The following SLC2A5 variants were observed in gnomAD, a reference collection of about 807,000 sequenced individuals.
The protein encoded by SLC2A5 is solute carrier family 2, facilitated glucose transporter member 5.
Under a neutral mutation model 50.3 loss-of-function variants are expected in SLC2A5, and 56 were observed. The observed-to-expected ratio is 1.11, with a 90% CI of 0.90 to 1.39. The LOEUF is 1.39. SLC2A5 is among the 40% of genes most tolerant of loss of function. The probability of loss-of-function intolerance (pLI) is 0.00; values close to 1 mark genes in which losing one functional copy is unlikely to be tolerated. For synonymous variants in SLC2A5, 269 were observed against 281.9 expected, an observed-to-expected ratio of 0.95 and a Z score of 0.46; for missense variants, 566 against 650.1, an observed-to-expected ratio of 0.87 and a Z score of 1.41.
At chr1:9,091,446 A>T (rs575134817), upstream of SLC2A5, among the ~76,000 whole-genome samples, 1 of 152,316 alleles carries the variant, frequency 6.6e-6, no homozygotes, top group East Asian at 1.9e-4. Flanking sequence ...CAGCTTCAAT[A>T]ATTACACACA....
chr1:9,064,976 C>G lies in SLC2A5; in HGVS notation c.33+4528G>C, dbSNP rs1485148589. ...GCTGAGGCAGGAGAATTGCTTGAAC[C>G]CGGGAGGTGGAGGTTGCAGTGAGCT... On this transcript the variant is annotated intron_variant, in intron 1 of 11. Coordinates refer to ENST00000377424, the MANE Select transcript of SLC2A5 (RefSeq NM_003039.3). Among the ~76,000 whole-genome samples the G allele has an allele frequency of 2.6e-5, 4 of 151,218 alleles. 1 individual carries two copies. The highest frequency in any genetic ancestry group is 5.9e-5 in the Non-Finnish European group (4 of 67,932).
intron 7 of SLC2A5, 24 bp downstream of exon 7, chr1:9,039,776 C>T (rs1195971647): frequency 1.1e-5 from 16 of 1,493,426 alleles, no homozygotes; most frequent in Middle Eastern, 1.8e-4. Flanking sequence ...CTCCCCAGCT[C>T]CCGAGCCGCA....
At chr1:9,053,210 T>C (rs2124381095) in intron 3 of SLC2A5, among the ~76,000 whole-genome samples, 1 of 84,878 alleles carries the variant, frequency 1.2e-5, no homozygotes, top group East Asian at 2.9e-4. Context: ...ATATTATATT[T>C]ATATATTATA....
chr1:9,043,924 G>C (rs1265439850), intron 4 of SLC2A5, among the ~76,000 whole-genome samples: 1 of 150,728 alleles, frequency 6.6e-6, no homozygotes, highest in East Asian at 2.0e-4. Flanking sequence ...GTTTCACCAT[G>C]TTGGCAAGGC....
chr1:9,057,665 A>T, intron 2 of SLC2A5, 57 bp from the exon 3 acceptor site: 3 of 1,509,588 alleles, frequency 2.0e-6, no homozygotes, highest in Non-Finnish European at 2.7e-6. Flanking sequence ...TTGCAAGAAG[A>T]ACATTAGCTG....
At chr1:9,083,273 T>C (rs770036) in intron 2 of SLC2A5, among the ~76,000 whole-genome samples, 114,388 of 152,208 alleles carry the variant, frequency 0.75, 43,965 homozygotes, top group East Asian at 0.99. Flanking sequence ...TCCACGAAAG[T>C]GCACATTTTT....
At chr1:9,062,212 A>G (rs1029384300) in intron 1 of SLC2A5, among the ~76,000 whole-genome samples, 2 of 152,242 alleles carry the variant, frequency 1.3e-5, no homozygotes, top group African/African-American at 4.8e-5. Flanking sequence ...ACTATTGTCA[A>G]TGGTAAAGAC....
upstream of SLC2A5, among the ~76,000 whole-genome samples, chr1:9,070,271 G>A (rs1445116391): frequency 6.6e-6 from 1 of 151,728 alleles, no homozygotes; most frequent in Non-Finnish European, 1.5e-5. Flanking sequence ...AGTAGACACG[G>A]GGTTTTGCCA....
intron 2 of SLC2A5, among the ~76,000 whole-genome samples, chr1:9,076,670 T>A (rs1340845306): frequency 6.6e-6 from 1 of 152,078 alleles, no homozygotes; most frequent in Non-Finnish European, 1.5e-5. Context: ...AAAACTGAGG[T>A]GAAATCCATA....
chr1:9,088,964 T>A (rs1412271281), upstream of SLC2A5, among the ~76,000 whole-genome samples: 2 of 152,214 alleles, frequency 1.3e-5, no homozygotes, highest in Non-Finnish European at 2.9e-5. Flanking sequence ...CTCCTCTCAT[T>A]ATCGCAAGAA....
intron 2 of SLC2A5, among the ~76,000 whole-genome samples, chr1:9,076,038 C>T (rs1221397136): frequency 6.6e-6 from 1 of 151,882 alleles, no homozygotes; most frequent in Non-Finnish European, 1.5e-5. Flanking sequence ...TCACTGCAAC[C>T]TCCACCTCCC....
chr1:9,089,918 G>A (rs1459942514), upstream of SLC2A5, among the ~76,000 whole-genome samples: 1 of 152,176 alleles, frequency 6.6e-6, no homozygotes, highest in Non-Finnish European at 1.5e-5. Context: ...GGAACCCAGG[G>A]TAATTTGGAC....
chr1:9,086,394 T>G (rs1207845769), intron 1 of SLC2A5, among the ~76,000 whole-genome samples: 1 of 151,428 alleles, frequency 6.6e-6, no homozygotes, highest in Non-Finnish European at 1.5e-5. Context: ...TCTCTTTTTT[T>G]TTTTTTTTTA....
In SLC2A5 at chr1:9,084,410, G is replaced by A. The variant is rs1304492974; in HGVS notation, c.-59+604C>T. Reference sequence around the variant, plus strand: ...ACCTTTTGCTTTGCAATAAATCTCTGTACTTTCACTATTTTCTGACTTGTC... The same window carrying A: ...ACCTTTTGCTTTGCAATAAATCTCTATACTTTCACTATTTTCTGACTTGTC... On this transcript the variant is annotated intron_variant, in intron 2 of 5. Coordinates refer to the SLC2A5 transcript ENST00000464985. Among the ~76,000 whole-genome samples, 7 of 152,284 alleles carry A rather than the reference G, an allele frequency of 4.6e-5. 1 individual carries two copies. The highest frequency in any genetic ancestry group is 4.6e-4 in the Admixed American group (7 of 15,282).
chr1:9,071,477 C>T (rs1018837212), upstream of SLC2A5, among the ~76,000 whole-genome samples: 5 of 152,354 alleles, frequency 3.3e-5, no homozygotes, highest in African/African-American at 1.2e-4. Context: ...AAGTGCATGA[C>T]ACCTGCTTCT....
chr1:9,038,019 T>G lies in SLC2A5; in HGVS notation c.1180A>C (p.Ile394Leu). 1 of 1,613,720 alleles carries G rather than the reference T, an allele frequency of 6.2e-7. No individual in the cohort carries two copies. Among genetic ancestry groups the G allele is most frequent in the Non-Finnish European group, 8.5e-7 (1 of 1,179,982 alleles). ...ATCTCAGTGATGAGCAGCGCGGGTATGGGACCTGTAGGGGGAGGAGAGCAG... is the reference window on the plus strand; with the variant it reads ...ATCTCAGTGATGAGCAGCGCGGGTAGGGGACCTGTAGGGGGAGGAGAGCAG... ...VIGHALGPSPIPALLITEIFL... is the reference protein window; with the variant it reads ...VIGHALGPSPLPALLITEIFL... Residue 394 changes from isoleucine (I) to leucine (L), a missense_variant, in exon 11 of 12, where the codon ATA becomes CTA. Ile to Leu is a conservative substitution (Grantham distance 5). Coordinates refer to ENST00000377424, the MANE Select transcript of SLC2A5 (RefSeq NM_003039.3).
chr1:9,084,923 G>A (rs1272363710), intron 2 of SLC2A5: 3 of 152,268 alleles, frequency 2.0e-5, no homozygotes, highest in African/African-American at 4.8e-5. Flanking sequence ...ATTTAAGTTC[G>A]AGAAGCTCTG....
intron 9 of SLC2A5, 147 bp downstream of exon 9, chr1:9,038,681 A>C: frequency 7.5e-7 from 1 of 1,330,812 alleles, no homozygotes; most frequent in Non-Finnish European, 1.0e-6. Flanking sequence ...GGCAGGACAC[A>C]CGGTCCCCAG....
chr1:9,076,795 G>T (rs1350922552), intron 2 of SLC2A5, among the ~76,000 whole-genome samples: 5 of 144,302 alleles, frequency 3.5e-5, no homozygotes, highest in African/African-American at 5.1e-5. Flanking sequence ...TGTTTTTTTT[G>T]TTTTTTTTTT....
Sources: gnomAD v4.1 joint callset for allele counts (sites outside exome capture counted in the v4.1 genomes callset) on GRCh38, gnomAD v4.1.1 for gene constraint, MANE v1.5 for transcripts, NCBI Gene and HGNC (gene_info 2026-07-23, HGNC 2026-07-21) for gene names.